The following PARD3B variants were observed in gnomAD, a reference collection of about 807,000 sequenced individuals.
The protein encoded by PARD3B is par-3 family cell polarity regulator beta.
Under a neutral mutation model 130.2 loss-of-function variants are expected in PARD3B, and 103 were observed. The ratio of observed to expected loss-of-function variants is 0.79; its 90% CI spans 0.67 to 0.93. The LOEUF (loss-of-function observed/expected upper bound fraction) is 0.93. PARD3B is among the 40% of genes least tolerant of loss of function. The probability of loss-of-function intolerance (pLI) is 0.00; values close to 1 mark genes in which losing one functional copy is unlikely to be tolerated. For synonymous variants in PARD3B, 583 were observed against 553.2 expected (o/e 1.05, Z -0.76); for missense variants, 1,609 against 1,499.2 (o/e 1.07, Z -1.21).
chr2:204,895,818 T>C (rs1161531290), intron 2 of PARD3B, among the ~76,000 whole-genome samples: 13 of 152,104 alleles, frequency 8.5e-5, no homozygotes, highest in Admixed American at 3.3e-4. Context: ...AAGCAAGCAG[T>C]TGGAAAGGAC....
intron 2 of PARD3B, among the ~76,000 whole-genome samples, chr2:204,796,601 A>T (rs529291684): frequency 6.2e-4 from 95 of 152,322 alleles, no homozygotes; most frequent in African/African-American, 2.2e-3. Flanking sequence ...CTCATTGCCA[A>T]AATTCAGACA....
chr2:205,556,622 A>C (rs1239584351), intron 22 of PARD3B, among the ~76,000 whole-genome samples: 1 of 152,206 alleles, frequency 6.6e-6, no homozygotes, highest in Non-Finnish European at 1.5e-5. Flanking sequence ...CCTAAGAAAA[A>C]TGACTTTACT....
At chr2:205,611,316 T>C (rs1319773513) in intron 22 of PARD3B, among the ~76,000 whole-genome samples, 1 of 152,210 alleles carries the variant, frequency 6.6e-6, no homozygotes, top group Non-Finnish European at 1.5e-5. Flanking sequence ...CAGAATTGTT[T>C]TAGCAAATGT....
chr2:204,865,204 A>G (rs1394836198), intron 2 of PARD3B, among the ~76,000 whole-genome samples: 1 of 152,216 alleles, frequency 6.6e-6, no homozygotes, highest in East Asian at 1.9e-4. Flanking sequence ...ACTATGGAAA[A>G]CTGTGGAAAT....
Position 204,606,401 on chromosome 2 carries a change from G to A in PARD3B, c.120+60282G>A, listed in dbSNP as rs80291185. 0.12 allele frequency among the ~76,000 whole-genome samples: 17,892 copies of A among 152,096 alleles called. 1,198 individuals are homozygous for A. Among genetic ancestry groups the A allele is most frequent in the African/African-American group, 0.18 (7,648 of 41,500 alleles). On this transcript the variant is annotated intron_variant, in intron 1 of 22. Coordinates refer to ENST00000406610, the MANE Select transcript of PARD3B (RefSeq NM_001302769.2). This position sits in a 1 kb window ranked among gnomAD's most constrained non-coding sequence, Gnocchi z 4.0. ...TGGTGAGTCAATAAGGGGATCTGTTGACTGTATCAGTCAGGGTCCCTGGCT... is the reference window on the plus strand; with the variant it reads ...TGGTGAGTCAATAAGGGGATCTGTTAACTGTATCAGTCAGGGTCCCTGGCT...
At chr2:205,477,839 T>C (rs1178863789) in intron 20 of PARD3B, among the ~76,000 whole-genome samples, 1 of 152,238 alleles carries the variant, frequency 6.6e-6, no homozygotes, top group Non-Finnish European at 1.5e-5. Context: ...TGGATAAAGC[T>C]TTTTGGTTTC....
At position 204,673,372 on chromosome 2, in the gene PARD3B, C is replaced by T. The variant is rs2036396079; in HGVS notation, c.121-12809C>T. ...TTTGTAGAGTGGAATAAAAAATTTA[C>T]TCAGTGTGGTGCAAGATACTCTTGG... On this transcript the variant is annotated intron_variant, in intron 1 of 22. Coordinates refer to ENST00000406610, the MANE Select transcript of PARD3B (RefSeq NM_001302769.2). The surrounding 1 kb of genome is among the most constrained non-coding windows in gnomAD (Gnocchi z 4.7). 1.3e-5 allele frequency among the ~76,000 whole-genome samples: 2 copies of T among 152,124 alleles called. No individual in the cohort carries two copies. The highest frequency in any genetic ancestry group is 2.9e-5 in the Non-Finnish European group (2 of 68,024).
intron 20 of PARD3B, among the ~76,000 whole-genome samples, chr2:205,477,944 G>A (rs771183087): frequency 2.6e-5 from 4 of 152,210 alleles, no homozygotes; most frequent in Non-Finnish European, 5.9e-5. Flanking sequence ...TTGGTGATGG[G>A]TGATTGGTCT....
intron 1 of PARD3B, among the ~76,000 whole-genome samples, chr2:204,631,848 C>T (rs1299423051): frequency 1.3e-5 from 2 of 152,008 alleles, no homozygotes; most frequent in African/African-American, 4.8e-5. Context: ...TCTTATTTCT[C>T]CTATGTTTAT....
intron 3 of PARD3B, among the ~76,000 whole-genome samples, chr2:205,026,417 A>G (rs1184874681): frequency 7.9e-5 from 12 of 152,182 alleles, no homozygotes. Context: ...TAAAAATTGT[A>G]TAAATTATAC....
Position 205,125,490 on chromosome 2 carries a change from C to A in PARD3B, c.1306-119C>A. 8.5e-7 allele frequency: 1 copy of A among 1,170,508 alleles called. No homozygotes were observed. Among genetic ancestry groups the A allele is most frequent in the Non-Finnish European group, 1.2e-6 (1 of 834,832 alleles). The allele number at this position is 1,170,508 out of a possible 1,614,324, so 72.5% of individuals were successfully genotyped here. ...TTTTGCCCATGTATTTAGTTATCAT[C>A]TTTTCAGAGCTTCCTCAAGTATGGG... On this transcript the variant is annotated intron_variant, in intron 9 of 22. Transcript: ENST00000406610. This position sits in a 1 kb window ranked among gnomAD's most constrained non-coding sequence, Gnocchi z 4.0.
At chr2:204,733,273 A>C (rs1414662375) in intron 2 of PARD3B, among the ~76,000 whole-genome samples, 1 of 152,202 alleles carries the variant, frequency 6.6e-6, no homozygotes, top group East Asian at 1.9e-4. Context: ...ATCATAAAAC[A>C]TGAAATACTT....
chr2:204,558,321 A>G (rs928726504), intron 1 of PARD3B: 3 of 152,206 alleles, frequency 2.0e-5, no homozygotes, highest in Non-Finnish European at 4.4e-5. Flanking sequence ...CAAAATCTCC[A>G]TAAGCTGATA....
intron 4 of PARD3B, among the ~76,000 whole-genome samples, chr2:205,066,836 T>C (rs1700409704): frequency 6.6e-6 from 1 of 152,150 alleles, no homozygotes; most frequent in African/African-American, 2.4e-5. Context: ...ATTTAAATCA[T>C]CATCTAAGTA....
chr2:204,922,456 A>T (rs890837459), intron 2 of PARD3B, among the ~76,000 whole-genome samples: 2 of 151,596 alleles, frequency 1.3e-5, no homozygotes, highest in Non-Finnish European at 2.9e-5. Flanking sequence ...AATGTAAGAA[A>T]TTTTTTTTTC....
intron 3 of PARD3B, among the ~76,000 whole-genome samples, chr2:205,036,293 C>T (rs892051054): frequency 2.2e-5 from 3 of 135,756 alleles, no homozygotes; most frequent in East Asian, 4.3e-4. Context: ...ATATAGTGGG[C>T]TATATATATA....
chr2:205,084,510 T>G (rs957874669), intron 4 of PARD3B, among the ~76,000 whole-genome samples: 1 of 152,096 alleles, frequency 6.6e-6, no homozygotes, highest in Non-Finnish European at 1.5e-5. Flanking sequence ...ACCATCACTC[T>G]TTCATTTGAT....
chr2:205,452,000 G>A lies in PARD3B; in HGVS notation c.3044+11328G>A, dbSNP rs533691834. On this transcript the variant is annotated intron_variant, in intron 20 of 22. Coordinates refer to ENST00000406610, the MANE Select transcript of PARD3B (RefSeq NM_001302769.2). ...GTCTAAATAACTCCTAGAGGCAACT[G>A]GGGGACATACATTCCTAATTTTCAT... 1.2e-4 allele frequency among the ~76,000 whole-genome samples: 19 copies of A among 152,206 alleles called. 1 individual carries two copies. In the South Asian group the frequency reaches 3.9e-3, roughly 32 times the overall value.
chr2:204,678,845 C>T lies in PARD3B; in HGVS notation c.121-7336C>T, dbSNP rs1158927321. ...CGAGGGTGGGTTCTTTGCCAGGGAG[C>T]TGCCCTCTTCTATCCAGTATTTCCC... On this transcript the variant is annotated intron_variant, in intron 1 of 22. Transcript: ENST00000406610. This position sits in a 1 kb window ranked among gnomAD's most constrained non-coding sequence, Gnocchi z 4.2. Among the ~76,000 whole-genome samples, 8 of 152,256 alleles carry T rather than the reference C, an allele frequency of 5.3e-5. No homozygotes were observed. In the South Asian group the frequency reaches 8.3e-4, roughly 16 times the overall value.
Sources: gnomAD v4.1 joint callset for allele counts (sites outside exome capture counted in the v4.1 genomes callset) on GRCh38, gnomAD v4.1.1 for gene constraint, Gnocchi (gnomAD v3.1) non-coding constraint, MANE v1.5 for transcripts, NCBI Gene and HGNC (gene_info 2026-07-23, HGNC 2026-07-21) for gene names.